EGFLAM: variants seen among roughly 807,000 people sequenced by gnomAD.
EGFLAM encodes pikachurin.
Under a neutral mutation model 113.1 loss-of-function variants are expected in EGFLAM, and 79 were observed. That is an observed-to-expected ratio of 0.70 (90% CI 0.58 to 0.84). The LOEUF (loss-of-function observed/expected upper bound fraction) is 0.84. Among genes scored for constraint, EGFLAM ranks in the 40% least tolerant of loss-of-function variants. The probability of loss-of-function intolerance (pLI) is 0.00; values close to 1 mark genes in which losing one functional copy is unlikely to be tolerated. For synonymous variants in EGFLAM, 504 were observed against 487.6 expected, an observed-to-expected ratio of 1.03 and a Z score of -0.44; for missense variants, 1,265 against 1,291.6, an observed-to-expected ratio of 0.98 and a Z score of 0.32.
At chr5:38,388,886 G>A (rs997622146) in intron 6 of EGFLAM, among the ~76,000 whole-genome samples, 1 of 148,890 alleles carries the variant, frequency 6.7e-6, no homozygotes, top group Non-Finnish European at 1.5e-5. Flanking sequence ...CTGGACTCCA[G>A]TGTGGGTGAC....
At chr5:38,392,225 T>A (rs1579860104) in intron 6 of EGFLAM, among the ~76,000 whole-genome samples, 2 of 152,362 alleles carry the variant, frequency 1.3e-5, no homozygotes, top group South Asian at 4.1e-4. Flanking sequence ...TTTCTGTTTC[T>A]ACATTAGTTT....
intron 17 of EGFLAM, among the ~76,000 whole-genome samples, chr5:38,445,902 G>C (rs1240520471): frequency 1.3e-5 from 2 of 152,136 alleles, no homozygotes; most frequent in African/African-American, 4.8e-5. Context: ...GGCGCCCACA[G>C]ACCCCCTCGG....
chr5:38,447,598 A>C (rs1439730178), intron 17 of EGFLAM, among the ~76,000 whole-genome samples: 1 of 152,038 alleles, frequency 6.6e-6, no homozygotes, highest in African/African-American at 2.4e-5. Context: ...TCTACTAAAA[A>C]TACAAAAATT....
chr5:38,350,656 G>A, intron 4 of EGFLAM, 38 bp downstream of exon 4: 1 of 1,569,562 alleles, frequency 6.4e-7, no homozygotes. Flanking sequence ...GTGGCAGGCT[G>A]CTATCCATGC....
chr5:38,465,272 G>C lies in EGFLAM; in HGVS notation c.*1286G>C, dbSNP rs7727552. Among the ~76,000 whole-genome samples, 5,173 of 152,232 alleles carry C rather than the reference G, an allele frequency of 0.034. 306 individuals carry two copies. Among genetic ancestry groups the C allele is most frequent in the African/African-American group, 0.12 (4,900 of 41,516 alleles). On this transcript the variant is annotated 3_prime_UTR_variant, in exon 22 of 22. Coordinates refer to ENST00000322350, the MANE Select transcript of EGFLAM (RefSeq NM_152403.4). The stretch of plus-strand genomic sequence containing the variant: ...GGTTCACTGGCAGATCCCCATGATG[G>C]ACTTACTAAGGGAAAGGTGAGATGA...
intron 3 of EGFLAM, among the ~76,000 whole-genome samples, chr5:38,341,303 C>A (rs566412303): frequency 2.6e-5 from 4 of 152,144 alleles, no homozygotes; most frequent in African/African-American, 9.7e-5. Flanking sequence ...CCTCAGGAGA[C>A]GTACAACCAT....
chr5:38,347,737 A>C (rs191231398), intron 3 of EGFLAM, among the ~76,000 whole-genome samples: 2 of 152,246 alleles, frequency 1.3e-5, no homozygotes, highest in Admixed American at 1.3e-4. Flanking sequence ...GGGGGACAAA[A>C]ACACGCTCTT....
chr5:38,406,211 C>A lies in EGFLAM; in HGVS notation c.798C>A (p.Asp266Glu), dbSNP rs555876298. 1 of 1,614,124 alleles carries A rather than the reference C, an allele frequency of 6.2e-7. No individual in the cohort carries two copies. Among genetic ancestry groups the A allele is most frequent in the African/African-American group, 1.3e-5 (1 of 75,048 alleles). The stretch of plus-strand genomic sequence containing the variant: ...GTGAGGATGATGAAGGATTTGAAGA[C>A]GACTTAGATTTGGATATTTCCTTTG... ...GAGEDDEGFEDDLDLDISFEE... is the reference protein window; with the variant it reads ...GAGEDDEGFEEDLDLDISFEE... The change falls in exon 7 of 22, where the codon GAC becomes GAA. Residue 266 changes from aspartate to glutamate, a missense_variant. Transcript: ENST00000322350.
chr5:38,458,051 C>T (rs981626338), intron 19 of EGFLAM, among the ~76,000 whole-genome samples: 3 of 152,074 alleles, frequency 2.0e-5, no homozygotes, highest in African/African-American at 4.8e-5. Flanking sequence ...CTTAATGCTG[C>T]GGCACTGTAT....
rs1385074684 is a variant in EGFLAM at position 38,412,563 on chromosome 5, G to A, written c.1409G>A (p.Gly470Asp). 6.2e-7 allele frequency: 1 copy of A among 1,614,150 alleles called. No homozygotes were observed. The highest frequency in any genetic ancestry group is 1.1e-5 in the South Asian group (1 of 91,078). ...AGTGAGACCAAAATCAAACTAGGGG[G>A]TTGGCACACGGTTATGCTCTACAGA... is the stretch of plus-strand genomic sequence containing the variant. ...IVSETKIKLG[G>D]WHTVMLYRDG... The change falls in exon 11 of 22, where the codon GGT becomes GAT. Residue 470 changes from glycine (G) to aspartate (D), a missense_variant. By Grantham distance (94) the Gly-to-Asp change is moderately conservative (BLOSUM62 -1). Coordinates refer to ENST00000322350, the MANE Select transcript of EGFLAM (RefSeq NM_152403.4).
chr5:38,362,254 A>G (rs542164839), intron 5 of EGFLAM, among the ~76,000 whole-genome samples: 29 of 152,350 alleles, frequency 1.9e-4, no homozygotes, highest in Admixed American at 1.2e-3. Flanking sequence ...GACTAACTTG[A>G]AAGTTCCTAC....
chr5:38,458,361 A>G lies in EGFLAM; in HGVS notation c.2738A>G (p.Asn913Ser), dbSNP rs1164404787. 4.3e-6 allele frequency: 7 copies of G among 1,613,952 alleles called. No homozygotes were observed. The African/African-American group carries it at 6.7e-5, about 15-fold the overall frequency. ...TCCATCATGGTGAATGGCTCCTTCA[A>G]CGATGGTCGGTGGCACCGAGTTAAG... ...VASIMVNGSF[N>S]DGRWHRVKAV... is the part of the protein sequence containing the mutation. The change falls in exon 20 of 22, where the codon AAC becomes AGC. Residue 913 changes from asparagine (N) to serine (S), a missense_variant. Asn to Ser is a conservative substitution (Grantham distance 46). Coordinates refer to ENST00000322350, the MANE Select transcript of EGFLAM (RefSeq NM_152403.4).
intron 14 of EGFLAM, among the ~76,000 whole-genome samples, chr5:38,427,940 T>C (rs1368231752): frequency 6.6e-6 from 1 of 152,220 alleles, no homozygotes; most frequent in Non-Finnish European, 1.5e-5. Context: ...TTAAATTACT[T>C]AGCAGGTCGA....
At chr5:38,349,952 T>TATAC (rs1435345415) in intron 3 of EGFLAM, among the ~76,000 whole-genome samples, 1 of 144,280 alleles carries the variant, frequency 6.9e-6, no homozygotes, top group Non-Finnish European at 1.5e-5. Context: ...GCAGGGGAAG[T>TATAC]ACACACACAC....
chr5:38,337,707 G>T, intron 2 of EGFLAM, 78 bp downstream of exon 2: 1 of 1,226,350 alleles, frequency 8.2e-7, no homozygotes, highest in South Asian at 1.4e-5. Context: ...GCTTTTTCTA[G>T]ATATCTGTCC....
rs1743343448 is a variant in EGFLAM at position 38,463,029 on chromosome 5, G to A, written c.2875+18G>A. The stretch of plus-strand genomic sequence containing the variant: ...GTATGTGGGTAAGTGACCGACCCTC[G>A]ACCAAAGCAAAATTAGGCCAGTGCT... On this transcript the variant is annotated intron_variant, in intron 21 of 21. Coordinates refer to ENST00000322350, the MANE Select transcript of EGFLAM (RefSeq NM_152403.4). 7.5e-6 allele frequency: 12 copies of A among 1,605,962 alleles called. No individual in the cohort carries two copies. In the East Asian group the frequency reaches 2.2e-4, roughly 30 times the overall value.
chr5:38,419,915 T>C (rs1020859974), intron 12 of EGFLAM, among the ~76,000 whole-genome samples: 1 of 152,142 alleles, frequency 6.6e-6, no homozygotes, highest in Non-Finnish European at 1.5e-5. Flanking sequence ...TAATCCCAGC[T>C]ACCCAGAAGA....
chr5:38,399,475 G>A (rs565606615), intron 6 of EGFLAM, among the ~76,000 whole-genome samples: 3 of 151,798 alleles, frequency 2.0e-5, no homozygotes, highest in Non-Finnish European at 2.9e-5. Context: ...ATGGGTTTTC[G>A]CTATGTTGTG....
intron 21 of EGFLAM, 55 bp downstream of exon 21, chr5:38,463,066 T>C: frequency 6.4e-7 from 1 of 1,553,424 alleles, no homozygotes; most frequent in Non-Finnish European, 8.8e-7. Context: ...TTCTTGTTAG[T>C]CTTCCATTTG....
Sources: allele counts gnomAD v4.1 joint callset (sites outside exome capture counted in the v4.1 genomes callset), GRCh38; gene constraint gnomAD v4.1.1; transcripts MANE v1.5; gene names NCBI Gene and HGNC (gene_info 2026-07-23, HGNC 2026-07-21).